MIPOL1: variants seen among roughly 807,000 people sequenced by gnomAD.
The protein encoded by MIPOL1 is mirror-image polydactyly gene 1 protein.
In MIPOL1, 57 loss-of-function variants were observed where a neutral mutation model predicts 60.9. The ratio of observed to expected loss-of-function variants is 0.94; its 90% CI spans 0.76 to 1.17. MIPOL1 has a LOEUF of 1.17. Among genes scored for constraint, MIPOL1 ranks in the 50% most tolerant of loss-of-function variants. The pLI is 0.00. For synonymous variants in MIPOL1, 179 were observed against 168.8 expected (o/e 1.06, Z -0.47); for missense variants, 551 against 511.6 (o/e 1.08, Z -0.74).
chr14:37,497,435 T>G (rs111571456), intron 11 of MIPOL1, among the ~76,000 whole-genome samples: 1 of 152,312 alleles, frequency 6.6e-6, no homozygotes, highest in Admixed American at 6.5e-5. Context: ...AGTTAAAATA[T>G]AAGGGAATGG....
chr14:37,488,689 G>T (rs1050171811), intron 11 of MIPOL1, among the ~76,000 whole-genome samples: 5 of 152,070 alleles, frequency 3.3e-5, no homozygotes, highest in Admixed American at 2.6e-4. Context: ...TTTCTCCTTT[G>T]CTTATGAAAC....
intron 9 of MIPOL1, among the ~76,000 whole-genome samples, chr14:37,344,440 T>C (rs945234179): frequency 6.6e-6 from 1 of 152,038 alleles, no homozygotes; most frequent in Non-Finnish European, 1.5e-5. Context: ...TACTTTTTTT[T>C]CCGAGTATCC....
intron 11 of MIPOL1, among the ~76,000 whole-genome samples, chr14:37,457,423 G>T (rs563222399): frequency 6.6e-6 from 1 of 152,258 alleles, no homozygotes; most frequent in African/African-American, 2.4e-5. Flanking sequence ...CCAGCAATCA[G>T]AAAATGGGTT....
At chr14:37,362,591 G>T (rs550267655) in intron 9 of MIPOL1, among the ~76,000 whole-genome samples, 1 of 152,232 alleles carries the variant, frequency 6.6e-6, no homozygotes, top group African/African-American at 2.4e-5. Context: ...GTGTCTTGGG[G>T]TTGCTCTTCT....
chr14:37,340,810 T>C (rs145265230), intron 9 of MIPOL1, among the ~76,000 whole-genome samples: 5 of 152,326 alleles, frequency 3.3e-5, no homozygotes, highest in African/African-American at 1.2e-4. Context: ...TATAGTAGTG[T>C]ACAAAAATGT....
chr14:37,225,703 C>G (rs1261791479), intron 1 of MIPOL1, among the ~76,000 whole-genome samples: 2 of 151,556 alleles, frequency 1.3e-5, no homozygotes, highest in African/African-American at 4.9e-5. Context: ...TCCCCATTGT[C>G]TTGGGGATTA....
At chr14:37,431,454 C>T (rs1464776050) in intron 11 of MIPOL1, among the ~76,000 whole-genome samples, 3 of 151,886 alleles carry the variant, frequency 2.0e-5, no homozygotes, top group African/African-American at 7.3e-5. Flanking sequence ...TTTATTTTCA[C>T]CCTCTGATTC....
intron 9 of MIPOL1, among the ~76,000 whole-genome samples, chr14:37,331,367 A>G (rs2089666588): frequency 6.6e-6 from 1 of 151,958 alleles, no homozygotes; most frequent in African/African-American, 2.4e-5. Flanking sequence ...TTTTAACAAT[A>G]TTGATTCATT....
At chr14:37,326,784 C>A (rs1047493567) in intron 9 of MIPOL1, among the ~76,000 whole-genome samples, 3 of 152,166 alleles carry the variant, frequency 2.0e-5, no homozygotes, top group Admixed American at 2.0e-4. Flanking sequence ...CAAAATGGAT[C>A]ATCCTGTCCA....
chr14:37,504,120 C>T (rs1313952114), intron 12 of MIPOL1: 1 of 152,074 alleles, frequency 6.6e-6, no homozygotes, highest in Non-Finnish European at 1.5e-5. Context: ...TCCATGGAGA[C>T]CTACAAAGAG....
At chr14:37,255,086 A>C (rs927895183) in intron 3 of MIPOL1, among the ~76,000 whole-genome samples, 10 of 151,938 alleles carry the variant, frequency 6.6e-5, no homozygotes, top group African/African-American at 1.4e-4. Flanking sequence ...CTTTGCTAAA[A>C]ATCCTCATTT....
In MIPOL1 at chr14:37,369,812, G is replaced by A. The variant is rs142185782; in HGVS notation, c.936+188G>A. ...ATTATTTTATTTCACGTATGTGTAC[G>A]TGAAAACAACACATTTTCTGAATTT... On this transcript the variant is annotated intron_variant, in intron 10 of 12. Coordinates refer to ENST00000684589, the MANE Select transcript of MIPOL1 (RefSeq NM_001388067.1). 5.5e-4 allele frequency: 186 copies of A among 337,004 alleles called. 2 individuals are homozygous for A. In the East Asian group the frequency reaches 7.4e-3, roughly 13 times the overall value. The allele number at this position is 337,004 out of a possible 1,614,324, so 20.9% of individuals were successfully genotyped here. A position where few individuals can be genotyped will look rare whatever the true frequency, so the allele number is the denominator to read the frequency against.
At chr14:37,268,627 T>C in intron 4 of MIPOL1, 31 bp from the exon 5 acceptor site, 1 of 1,532,552 alleles carries the variant, frequency 6.5e-7, no homozygotes, top group Non-Finnish European at 8.8e-7. Context: ...TTTATCTTAC[T>C]CTGAAATGTT....
intron 11 of MIPOL1, among the ~76,000 whole-genome samples, chr14:37,462,017 G>C (rs1177681024): frequency 6.6e-6 from 1 of 152,190 alleles, no homozygotes; most frequent in Non-Finnish European, 1.5e-5. Context: ...CCCTAGTAGA[G>C]ACTCTGTGTA....
In MIPOL1 at chr14:37,548,240, T is replaced by C. The variant is rs2095553053; in HGVS notation, c.*1269T>C. On this transcript the variant is annotated 3_prime_UTR_variant, in exon 13 of 13. Coordinates refer to ENST00000684589, the MANE Select transcript of MIPOL1 (RefSeq NM_001388067.1). ...ATTGCCTATTTACAGGATAAGTACA[T>C]TCAGGACAATTTATTGTACCATTCT... 6.6e-6 allele frequency: 1 copy of C among 152,050 alleles called. No homozygotes were observed. Among genetic ancestry groups the C allele is most frequent in the South Asian group, 2.1e-4 (1 of 4,832 alleles). 9.4% of individuals were successfully genotyped at this position (152,050 alleles called of 1,614,324 possible).
chr14:37,288,646 AAATT>A (rs1027822687), intron 7 of MIPOL1, among the ~76,000 whole-genome samples: 1 of 152,066 alleles, frequency 6.6e-6, no homozygotes, highest in African/African-American at 2.4e-5. Flanking sequence ...TCTACAAAAA[AAATT>A]ATTTAAAAGA....
At chr14:37,200,885 TGTGTGTGTGTGTG>T (rs1566965123) in intron 1 of MIPOL1, among the ~76,000 whole-genome samples, 3 of 107,056 alleles carry the variant, frequency 2.8e-5, no homozygotes, top group African/African-American at 5.9e-5. Flanking sequence ...TGTGTGTGTG[TGTGTGTGTGTGTG>T]TATTTTTTTT....
intron 10 of MIPOL1, among the ~76,000 whole-genome samples, chr14:37,378,000 G>A (rs1692109340): frequency 6.6e-6 from 1 of 151,930 alleles, no homozygotes; most frequent in Admixed American, 6.6e-5. Context: ...GAGATATCAT[G>A]TCACACCAAT....
At chr14:37,223,437 T>C (rs1969163324) in intron 1 of MIPOL1, among the ~76,000 whole-genome samples, 1 of 152,176 alleles carries the variant, frequency 6.6e-6, no homozygotes, top group African/African-American at 2.4e-5. Flanking sequence ...TGTATAGACA[T>C]ATGAGGAGTT....
Sources: gnomAD v4.1 joint callset for allele counts (sites outside exome capture counted in the v4.1 genomes callset) on GRCh38, gnomAD v4.1.1 for gene constraint, MANE v1.5 for transcripts, NCBI Gene and HGNC (gene_info 2026-07-23, HGNC 2026-07-21) for gene names.